Variants in MAP3K15 observed in about 807,000 individuals in gnomAD.
MAP3K15 encodes mitogen-activated protein kinase kinase kinase 15.
Under a neutral mutation model 99.5 loss-of-function variants are expected in MAP3K15, and 124 were observed. The ratio of observed to expected loss-of-function variants is 1.25; its 90% CI spans 1.08 to 1.45. The LOEUF (loss-of-function observed/expected upper bound fraction) is 1.45, where lower values mean the gene tolerates loss of function less well. MAP3K15 is among the 40% of genes most tolerant of loss of function. The pLI, the probability that MAP3K15 is intolerant of heterozygous loss-of-function variation, is 0.00. For missense variants in MAP3K15, 1,242 were observed against 1,079.7 expected (o/e 1.15, Z -2.11); for synonymous variants, 494 against 439.6 (o/e 1.12, Z -1.55).
At chrX:19,437,345 C>T (rs970974377) in intron 6 of MAP3K15, among the ~76,000 whole-genome samples, 8 of 111,710 alleles carry the variant, frequency 7.2e-5, no homozygotes, top group African/African-American at 2.6e-4. Flanking sequence ...TTAGAGCAAA[C>T]ACCAATTTTC....
intron 22 of MAP3K15, 29 bp downstream of exon 22, chrX:19,372,624 A>G: frequency 1.7e-6 from 2 of 1,179,928 alleles, no homozygotes; most frequent in Non-Finnish European, 2.3e-6. Flanking sequence ...GGGAGCGGGA[A>G]GAGTCGGTGC....
At chrX:19,445,607 A>AAT (rs1201703044) in intron 6 of MAP3K15, among the ~76,000 whole-genome samples, 44 of 106,200 alleles carry the variant, frequency 4.1e-4, no homozygotes, top group African/African-American at 1.5e-3. Flanking sequence ...AAAAAAAAAA[A>AAT]AATTAGTGAT....
At chrX:19,453,154 G>A (rs760850846) in intron 6 of MAP3K15, among the ~76,000 whole-genome samples, 1 of 111,482 alleles carries the variant, frequency 9.0e-6, no homozygotes, top group East Asian at 2.8e-4. Context: ...TGAACTATAT[G>A]CTTAAAAGTG....
intron 1 of MAP3K15, among the ~76,000 whole-genome samples, chrX:19,494,955 C>G (rs2064390905): frequency 1.8e-5 from 2 of 109,634 alleles, no homozygotes; most frequent in African/African-American, 6.6e-5. Context: ...TCTTACTTAT[C>G]CACTGCTGCT....
intron 6 of MAP3K15, among the ~76,000 whole-genome samples, chrX:19,447,475 T>C (rs1205021769): frequency 3.6e-5 from 4 of 111,862 alleles, no homozygotes; most frequent in Non-Finnish European, 7.5e-5. Flanking sequence ...AAGTGAAGCA[T>C]TATCCAAACT....
At position 19,371,329 on chromosome X, in the gene MAP3K15, C is replaced by A; in HGVS notation, c.3294+16G>T. ...CAAGATCTGGTGTGTTCCCTAGGGC[C>A]AGATGGAGCACTTACGGCATCCTGA... On this transcript the variant is annotated intron_variant, in intron 23 of 28. Transcript: ENST00000338883. 8.3e-7 allele frequency: 1 copy of A among 1,199,093 alleles called. No individual in the cohort carries two copies. The highest frequency in any genetic ancestry group is 1.8e-5 in the South Asian group (1 of 56,027).
At chrX:19,394,933 C>A (rs1234983471) in intron 16 of MAP3K15, 148 bp downstream of exon 16, 5 of 530,249 alleles carry the variant, frequency 9.4e-6, no homozygotes, top group Non-Finnish European at 1.4e-5. Flanking sequence ...AAGTGATCTT[C>A]CCATCTCGGC....
chrX:19,407,362 T>C, intron 12 of MAP3K15, 79 bp from the exon 13 acceptor site: 1 of 524,917 alleles, frequency 1.9e-6, no homozygotes, highest in Non-Finnish European at 3.0e-6. Flanking sequence ...TTTTCTTCTA[T>C]TTTATCAATT....
chrX:19,392,514 G>C, intron 16 of MAP3K15, 41 bp from the exon 17 acceptor site: 1 of 1,184,199 alleles, frequency 8.4e-7, no homozygotes, highest in African/African-American at 1.8e-5. Flanking sequence ...GGAAGAGAAA[G>C]TTTCAATAAA....
intron 20 of MAP3K15, among the ~76,000 whole-genome samples, chrX:19,373,933 C>T (rs766588775): frequency 1.8e-5 from 2 of 111,418 alleles, no homozygotes; most frequent in African/African-American, 6.5e-5. Context: ...TGACCCCGAT[C>T]GGTACCAGGG....
chrX:19,474,827 AAAG>A (rs1272940772), intron 3 of MAP3K15, among the ~76,000 whole-genome samples: 1 of 111,367 alleles, frequency 9.0e-6, no homozygotes, highest in East Asian at 2.8e-4. Flanking sequence ...AGACATTAGT[AAAG>A]AAGCACATAA....
intron 3 of MAP3K15, among the ~76,000 whole-genome samples, chrX:19,479,338 C>T (rs1274861316): frequency 9.0e-6 from 1 of 110,935 alleles, no homozygotes; most frequent in Non-Finnish European, 1.9e-5. Flanking sequence ...CCATTTCATC[C>T]CAACCCAAGA....
chrX:19,434,739 C>T (rs1019351548), intron 6 of MAP3K15, among the ~76,000 whole-genome samples: 1 of 112,003 alleles, frequency 8.9e-6, no homozygotes, highest in African/African-American at 3.2e-5. Flanking sequence ...TAGCCAGCCT[C>T]ATTCCGGATG....
At chrX:19,441,309 A>AG (rs1414650331) in intron 6 of MAP3K15, among the ~76,000 whole-genome samples, 2 of 107,010 alleles carry the variant, frequency 1.9e-5, no homozygotes, top group South Asian at 8.6e-4. Flanking sequence ...GCTTAGGAAT[A>AG]GGGGGGGAAG....
chrX:19,435,739 C>T lies in MAP3K15; in HGVS notation c.996-4131G>A, dbSNP rs746575519. 1.9e-4 allele frequency among the ~76,000 whole-genome samples: 21 copies of T among 112,286 alleles called. No homozygotes were observed. The South Asian group carries it at 7.0e-3, about 37-fold the overall frequency. On this transcript the variant is annotated intron_variant, in intron 6 of 28. Transcript: ENST00000338883. ...AGATCCCAAGGTATCCAAGAACAAG[C>T]CTACAGATAAAAACTCCTATGTTGA... is the stretch of plus-strand genomic sequence containing the variant.
chrX:19,474,941 C>A (rs2064232172), intron 3 of MAP3K15, among the ~76,000 whole-genome samples: 1 of 110,949 alleles, frequency 9.0e-6, no homozygotes, highest in Non-Finnish European at 1.9e-5. Flanking sequence ...GGTCCCCAAC[C>A]TTTTTGGCAC....
intron 3 of MAP3K15, among the ~76,000 whole-genome samples, chrX:19,466,219 T>G (rs1305806177): frequency 8.9e-6 from 1 of 111,815 alleles, no homozygotes; most frequent in Non-Finnish European, 1.9e-5. Context: ...AAGAAAGCCA[T>G]GTTCCTAGAC....
Position 19,474,545 on chromosome X carries a change from G to GC in MAP3K15, c.526-10140_526-10139insG, listed in dbSNP as rs1248778268. On this transcript the variant is annotated intron_variant, in intron 3 of 28. Transcript: ENST00000338883. Reference sequence around the variant, plus strand: ...GAGATCCAGTCATTCTTGGAGGTTGGGGGGGGGGGTCTGTGAACTTGAAAG... The same window carrying GC: ...GAGATCCAGTCATTCTTGGAGGTTGGCGGGGGGGGGTCTGTGAACTTGAAAG... Among the ~76,000 whole-genome samples, 348 of 97,184 alleles carry GC rather than the reference G, an allele frequency of 3.6e-3. 12 individuals carry two copies. The highest frequency in any genetic ancestry group is 0.013 in the African/African-American group (339 of 26,373). 84.4% of individuals were successfully genotyped at this position (97,184 alleles called of 115,157 possible). A position where few individuals can be genotyped will look rare whatever the true frequency, so the allele number is the denominator to read the frequency against.
intron 6 of MAP3K15, among the ~76,000 whole-genome samples, chrX:19,434,151 G>A (rs2063905119): frequency 9.0e-6 from 1 of 111,687 alleles, no homozygotes; most frequent in African/African-American, 3.2e-5. Context: ...TATACAAGGT[G>A]GTCCTGGGTA....
Sources: gnomAD v4.1 joint callset for allele counts (sites outside exome capture counted in the v4.1 genomes callset) on GRCh38, gnomAD v4.1.1 for gene constraint, MANE v1.5 for transcripts, NCBI Gene and HGNC (gene_info 2026-07-23, HGNC 2026-07-21) for gene names.